POU2F1: variants seen among roughly 807,000 people sequenced by gnomAD.
POU2F1 encodes POU class 2 homeobox 1, also known as POU domain, class 2, transcription factor 1.
A neutral mutation model predicts 84.9 loss-of-function variants in POU2F1; 16 were observed. The ratio of observed to expected loss-of-function variants is 0.19; its 90% CI spans 0.13 to 0.29. POU2F1 has a LOEUF of 0.29. POU2F1 is among the 10% of genes least tolerant of loss of function. The pLI, the probability that POU2F1 is intolerant of heterozygous loss-of-function variation, is 1.00. For missense variants in POU2F1, 738 were observed against 942.6 expected, an observed-to-expected ratio of 0.78 and a Z score of 2.84; for synonymous variants, 368 against 368.3, an observed-to-expected ratio of 1.00 and a Z score of 0.01.
intron 1 of POU2F1, among the ~76,000 whole-genome samples, chr1:167,272,390 C>A (rs266834): frequency 0.076 from 6,179 of 81,440 alleles, 383 homozygotes; most frequent in African/African-American, 0.25. Context: ...ATTAGGATTT[C>A]AAAAAAAAAA....
At chr1:167,308,287 G>A (rs1307611989) in intron 1 of POU2F1, among the ~76,000 whole-genome samples, 2 of 151,714 alleles carry the variant, frequency 1.3e-5, no homozygotes, top group East Asian at 3.9e-4. Flanking sequence ...TTCTGGTCTC[G>A]AACTCCCAAT....
At chr1:167,389,986 G>A (rs766380631) in intron 9 of POU2F1, among the ~76,000 whole-genome samples, 4 of 152,152 alleles carry the variant, frequency 2.6e-5, no homozygotes, top group Non-Finnish European at 5.9e-5. Flanking sequence ...ATTATATTAA[G>A]TATTATAAGT....
intron 1 of POU2F1, among the ~76,000 whole-genome samples, chr1:167,226,907 C>T (rs112757980): frequency 3.3e-5 from 5 of 152,282 alleles, no homozygotes; most frequent in African/African-American, 1.2e-4. Flanking sequence ...GAAGAATCAG[C>T]AAACCTCTAG....
At chr1:167,411,404 TG>T (rs773525384) in intron 13 of POU2F1, among the ~76,000 whole-genome samples, 2 of 147,436 alleles carry the variant, frequency 1.4e-5, no homozygotes, top group Non-Finnish European at 2.9e-5. Context: ...CATTGTATGT[TG>T]TTTTTTTTTT....
intron 1 of POU2F1, among the ~76,000 whole-genome samples, chr1:167,288,633 A>G (rs925335038): frequency 3.3e-5 from 5 of 152,122 alleles, no homozygotes; most frequent in African/African-American, 1.2e-4. Context: ...GTTACAGTGA[A>G]TTGTTATCAG....
At chr1:167,222,193 C>G (rs1337200025) in intron 1 of POU2F1, among the ~76,000 whole-genome samples, 2 of 152,160 alleles carry the variant, frequency 1.3e-5, no homozygotes, top group Non-Finnish European at 2.9e-5. Context: ...ATCGTATTCT[C>G]GATTTCCTCT....
rs568951496 is a variant in POU2F1, at chr1:167,284,004, A to G, written c.62-48466A>G. On this transcript the variant is annotated intron_variant, in intron 1 of 15. Transcript: ENST00000367866. ...TGTGGAGATAGATAAGGCTGAGTAA[A>G]TTCAGGCCAGATTCTTTAATATTTA... is the stretch of plus-strand genomic sequence containing the variant. 2.0e-5 allele frequency among the ~76,000 whole-genome samples: 3 copies of G among 152,280 alleles called. No individual in the cohort carries two copies. In the South Asian group the frequency reaches 6.2e-4, roughly 32 times the overall value.
At chr1:167,393,863 G>A (rs527887198) in intron 9 of POU2F1, among the ~76,000 whole-genome samples, 227 of 152,242 alleles carry the variant, frequency 1.5e-3, no homozygotes, top group African/African-American at 5.2e-3. Context: ...GCAAGGTTTA[G>A]TTGGCACCAG....
At chr1:167,243,844 A>G (rs114209715) in intron 1 of POU2F1, among the ~76,000 whole-genome samples, 2,419 of 152,326 alleles carry the variant, frequency 0.016, 66 homozygotes, top group African/African-American at 0.054. Flanking sequence ...TGTAATTAGC[A>G]TCATGACCAC....
chr1:167,305,364 TTTTG>T (rs1242692939), intron 1 of POU2F1, among the ~76,000 whole-genome samples: 2 of 152,158 alleles, frequency 1.3e-5, no homozygotes, highest in African/African-American at 2.4e-5. Flanking sequence ...ATTTTTGTTT[TTTTG>T]TTTGTTTGTT....
At chr1:167,298,950 G>A (rs955764949) in intron 1 of POU2F1, among the ~76,000 whole-genome samples, 1 of 152,054 alleles carries the variant, frequency 6.6e-6, no homozygotes, top group African/African-American at 2.4e-5. Flanking sequence ...GATCACCTGA[G>A]GTCGGGAGTT....
At chr1:167,305,346 C>T (rs1393767210) in intron 1 of POU2F1, among the ~76,000 whole-genome samples, 3 of 152,096 alleles carry the variant, frequency 2.0e-5, no homozygotes, top group Non-Finnish European at 4.4e-5. Context: ...CACCACCACA[C>T]CCAGCTAATT....
chr1:167,266,595 C>T (rs988602860), intron 1 of POU2F1, among the ~76,000 whole-genome samples: 1 of 149,864 alleles, frequency 6.7e-6, no homozygotes, highest in African/African-American at 2.5e-5. Context: ...TGGGAAGGTA[C>T]TTTGGCACAA....
intron 1 of POU2F1, among the ~76,000 whole-genome samples, chr1:167,243,515 G>A (rs954855571): frequency 1.9e-4 from 29 of 151,562 alleles, no homozygotes; most frequent in Middle Eastern, 3.2e-3. Flanking sequence ...CGCTCTTGTC[G>A]CCCAGTCTGG....
At position 167,418,826 on chromosome 1, in the gene POU2F1, G is replaced by A. The variant is rs572628721; in HGVS notation, c.*3016G>A. On this transcript the variant is annotated 3_prime_UTR_variant, in exon 16 of 16. Coordinates refer to ENST00000367866, the MANE Select transcript of POU2F1 (RefSeq NM_002697.4). ...TCAATTTGGGATAAGGGGATTTTATGTGAAGCACTTGATGAGGGTAGACCA... is the reference window on the plus strand; with the variant it reads ...TCAATTTGGGATAAGGGGATTTTATATGAAGCACTTGATGAGGGTAGACCA... 1 of 152,266 alleles carries A rather than the reference G, an allele frequency of 6.6e-6. No homozygotes were observed. Among genetic ancestry groups the A allele is most frequent in the Middle Eastern group, 3.4e-3 (1 of 294 alleles). 9.4% of individuals were successfully genotyped at this position (152,266 alleles called of 1,614,324 possible).
intron 1 of POU2F1, among the ~76,000 whole-genome samples, chr1:167,258,583 A>G (rs1261796699): frequency 7.4e-6 from 1 of 134,276 alleles, no homozygotes; most frequent in Non-Finnish European, 1.5e-5. Context: ...ACATGTGTAC[A>G]CAGGAGGACC....
chr1:167,399,294 A>G lies in POU2F1; in HGVS notation c.1378A>G (p.Ile460Val). The change falls in exon 12 of 16, where the codon ATC becomes GTC. Residue 460 changes from isoleucine (I) to valine (V), a missense_variant. Physicochemically the swap from Ile to Val is conservative, Grantham distance 29. Coordinates refer to ENST00000367866, the MANE Select transcript of POU2F1 (RefSeq NM_002697.4). ...TAACCGCCGCCAGAAAGAAAAAAGA[A>G]TCAACCCACCAAGCAGTGGTGGGAC... is the stretch of plus-strand genomic sequence containing the variant. ...FCNRRQKEKR[I>V]NPPSSGGTSS... is the part of the protein sequence containing the mutation. The G allele has an allele frequency of 9.9e-6, 16 of 1,614,148 alleles. No individual in the cohort carries two copies. Among genetic ancestry groups the G allele is most frequent in the Non-Finnish European group, 1.3e-5 (15 of 1,180,008 alleles).
intron 2 of POU2F1, among the ~76,000 whole-genome samples, chr1:167,356,537 C>G (rs1658946727): frequency 6.6e-6 from 1 of 152,076 alleles, no homozygotes; most frequent in African/African-American, 2.4e-5. Context: ...AGTTTCACAG[C>G]ATCAAATGTG....
rs202130183 is a variant in POU2F1, at chr1:167,230,370, A to AT, written c.61+9422dup. Among the ~76,000 whole-genome samples the AT allele has an allele frequency of 7.6e-3, 1,150 of 150,400 alleles. 13 individuals are homozygous for AT. Among genetic ancestry groups the AT allele is most frequent in the African/African-American group, 0.026 (1,055 of 40,994 alleles). On this transcript the variant is annotated intron_variant, in intron 1 of 15. Coordinates refer to ENST00000367866, the MANE Select transcript of POU2F1 (RefSeq NM_002697.4). ...TTTAGGACAAGTTACTTCACCATGG[A>AT]TTTTTTTTTTAATTGCATTTGTAAA...
Sources: allele counts gnomAD v4.1 joint callset (sites outside exome capture counted in the v4.1 genomes callset), GRCh38; gene constraint gnomAD v4.1.1; transcripts MANE v1.5; gene names NCBI Gene and HGNC (gene_info 2026-07-23, HGNC 2026-07-21).